The following HELQ variants were observed in gnomAD, a reference collection of about 807,000 sequenced individuals.
The protein encoded by HELQ is helicase, POLQ like.
A neutral mutation model predicts 111.6 loss-of-function variants in HELQ; 77 were observed. The observed-to-expected ratio is 0.69, with a 90% confidence interval of 0.57 to 0.83. The LOEUF (loss-of-function observed/expected upper bound fraction) is 0.83, where lower values mean the gene tolerates loss of function less well. HELQ is among the 40% of genes least tolerant of loss of function. The pLI is 0.00. For missense variants in HELQ, 1,200 were observed against 1,288.5 expected (o/e 0.93, Z 1.05); for synonymous variants, 438 against 454.7 (o/e 0.96, Z 0.47).
chr4:83,430,273 AT>A, intron 11 of HELQ, among the ~76,000 whole-genome samples: 1 of 149,208 alleles, frequency 6.7e-6, no homozygotes, highest in South Asian at 2.1e-4. Flanking sequence ...TTAAAGTATA[AT>A]AAAAAAAAAA....
At chr4:83,410,616 G>A (rs541558285) in intron 17 of HELQ, among the ~76,000 whole-genome samples, 4 of 152,160 alleles carry the variant, frequency 2.6e-5, no homozygotes, top group Admixed American at 6.5e-5. Context: ...AGTCCTGTAT[G>A]GGATTAGTGT....
At chr4:83,422,316 C>G (rs1439322706) in intron 14 of HELQ, among the ~76,000 whole-genome samples, 1 of 152,192 alleles carries the variant, frequency 6.6e-6, no homozygotes, top group Non-Finnish European at 1.5e-5. Context: ...ATTGTACCCC[C>G]TCTCCATCAC....
intron 3 of HELQ, 113 bp downstream of exon 3, chr4:83,448,669 CA>C (rs34960937): frequency 0.091 from 59,969 of 657,482 alleles, 38 homozygotes; most frequent in South Asian, 0.1. Flanking sequence ...GACTCCATCT[CA>C]AAAAAAAAAA....
chr4:83,432,308 A>G (rs1720196643), intron 9 of HELQ, 41 bp from the exon 10 acceptor site: 3 of 1,407,926 alleles, frequency 2.1e-6, no homozygotes, highest in East Asian at 5.1e-5. Context: ...AGCAAACAGC[A>G]CCAATTTAAA....
intron 1 of HELQ, 29 bp from the exon 2 acceptor site, chr4:83,453,974 C>A: frequency 1.5e-6 from 2 of 1,297,894 alleles, no homozygotes; most frequent in South Asian, 2.6e-5. Flanking sequence ...CGCTTATGGT[C>A]AATTCCAGTT....
intron 8 of HELQ, 118 bp from the exon 9 acceptor site, chr4:83,437,215 T>C (rs1720506728): frequency 1.1e-6 from 1 of 922,430 alleles, no homozygotes; most frequent in South Asian, 1.7e-5. Flanking sequence ...TTCCATTGAG[T>C]TAAGTACATT....
Position 83,453,424 on chromosome 4 carries a change from C to A in HELQ, c.819G>T (p.Met273Ile). 1 of 1,603,302 alleles carries A rather than the reference C, an allele frequency of 6.2e-7. No homozygotes were observed. The highest frequency in any genetic ancestry group is 1.1e-5 in the South Asian group (1 of 88,732). ...KSIKDHLKNA[M>I]TGNAKAQTPI... ...GTGTCTGGGCCTTCGCATTTCCAGTCATGGCATTTTTTAGATGATCTTTAA... is the reference window on the plus strand; with the variant it reads ...GTGTCTGGGCCTTCGCATTTCCAGTAATGGCATTTTTTAGATGATCTTTAA... Residue 273 changes from methionine (M) to isoleucine (I), a missense_variant, in exon 2 of 18, where the codon ATG becomes ATT. This residue lies in a region of HELQ where 610 missense variants were observed against 607.1 expected (regional missense o/e 1.00). Coordinates refer to ENST00000295488, the MANE Select transcript of HELQ (RefSeq NM_133636.5).
At chr4:83,430,194 C>A (rs1035091471) in intron 11 of HELQ, among the ~76,000 whole-genome samples, 6 of 149,828 alleles carry the variant, frequency 4.0e-5, no homozygotes, top group South Asian at 2.1e-4. Flanking sequence ...TTTCTGGGTG[C>A]AGCACACCAA....
intron 15 of HELQ, 21 bp downstream of exon 15, chr4:83,421,542 T>C (rs1578072331): frequency 1.3e-6 from 2 of 1,587,392 alleles, no homozygotes; most frequent in East Asian, 2.2e-5. Context: ...AAAGTACATA[T>C]CATATATTCA....
At chr4:83,443,789 A>C (rs1370100264) in intron 5 of HELQ, among the ~76,000 whole-genome samples, 175 bp from the exon 6 acceptor site, 1 of 152,190 alleles carries the variant, frequency 6.6e-6, no homozygotes, top group African/African-American at 2.4e-5. Flanking sequence ...TCACATCTGT[A>C]ATCTCAACAC....
At chr4:83,441,524 C>A in intron 6 of HELQ, 121 bp from the exon 7 acceptor site, 1 of 531,632 alleles carries the variant, frequency 1.9e-6, no homozygotes, top group Non-Finnish European at 3.3e-6. Flanking sequence ...TTCTAAGATA[C>A]ATAAAACATG....
At chr4:83,416,261 G>T (rs557693156) in intron 17 of HELQ, among the ~76,000 whole-genome samples, 1 of 151,486 alleles carries the variant, frequency 6.6e-6, no homozygotes, top group Middle Eastern at 3.4e-3. Context: ...TTTTTGGGGC[G>T]GGGGGACAGG....
Position 83,453,375 on chromosome 4 carries a change from G to A in HELQ, c.868C>T (p.Leu290Phe). 6.2e-7 allele frequency: 1 copy of A among 1,609,606 alleles called. No individual in the cohort carries two copies. Among genetic ancestry groups the A allele is most frequent in the East Asian group, 2.2e-5 (1 of 44,864 alleles). The change falls in exon 2 of 18, where the codon CTC becomes TTC. Residue 290 changes from leucine to phenylalanine, a missense_variant. Coordinates refer to ENST00000295488, the MANE Select transcript of HELQ (RefSeq NM_133636.5). ...QTPIFSRSKQLKDTLLSEEIN... is the reference protein window; with the variant it reads ...QTPIFSRSKQFKDTLLSEEIN... ...TCCTCAGATAGGAGAGTGTCTTTGAGCTGTTTACTTCTAGAAAATATTGGT... is the reference window on the plus strand; with the variant it reads ...TCCTCAGATAGGAGAGTGTCTTTGAACTGTTTACTTCTAGAAAATATTGGT...
rs546970063 is a variant in HELQ at position 83,453,744 on chromosome 4, C to T, written c.499G>A (p.Glu167Lys). 14 of 1,614,162 alleles carry T rather than the reference C, an allele frequency of 8.7e-6. No homozygotes were observed. In the East Asian group the frequency reaches 2.7e-4, roughly 31 times the overall value. Residue 167 changes from glutamate (E) to lysine (K), a missense_variant, in exon 2 of 18, where the codon GAA (glutamate) becomes AAA (lysine). This residue lies in a region of HELQ where 610 missense variants were observed against 607.1 expected (regional missense o/e 1.00). Coordinates refer to ENST00000295488, the MANE Select transcript of HELQ (RefSeq NM_133636.5). ...TCTGTGTGCTTATCAGTTTGTAATT[C>T]AGTAAGGTTGCCTATGGTAGTAATG... The part of the protein sequence containing the change: ...LSITTIGNLT[E>K]LQTDKHTENQ...
Position 83,455,453 on chromosome 4 carries a change from CA to C in HELQ, c.240del (p.Asp81IlefsTer40), listed in dbSNP as rs1643239766. On this transcript the variant is annotated frameshift_variant, in exon 1 of 18. Transcript: ENST00000295488. LOFTEE classifies it high-confidence loss of function. Reference sequence around the variant, plus strand: ...TGACGTAGGAGGTCCGGGTTTGTATCACCACCTCCAAGGACGAGACATTCCG... The same window carrying C: ...TGACGTAGGAGGTCCGGGTTTGTATCCCACCTCCAAGGACGAGACATTCCG... The part of the protein sequence containing the change: ...DSPECLVLGG[G>X]DTNPDLLRHM... The C allele has an allele frequency of 6.2e-7, 1 of 1,614,050 alleles. No homozygotes were observed. Among genetic ancestry groups the C allele is most frequent in the Admixed American group, 1.7e-5 (1 of 60,002 alleles).
chr4:83,427,419 A>G, intron 13 of HELQ, 144 bp downstream of exon 13: 1 of 506,198 alleles, frequency 2.0e-6, no homozygotes, highest in Non-Finnish European at 3.4e-6. Context: ...CTTTGGGAGG[A>G]CAATGTGGGA....
intron 2 of HELQ, among the ~76,000 whole-genome samples, chr4:83,450,745 T>C (rs1314413167): frequency 1.3e-5 from 2 of 151,402 alleles, no homozygotes; most frequent in African/African-American, 4.9e-5. Context: ...ACAGCAGGAC[T>C]GCTTAAGCCC....
intron 12 of HELQ, 102 bp downstream of exon 12, chr4:83,429,422 T>A: frequency 1.2e-6 from 1 of 859,952 alleles, no homozygotes; most frequent in Non-Finnish European, 1.8e-6. Flanking sequence ...GTGTTGGGAT[T>A]ACAGGCGTGA....
intron 1 of HELQ, 26 bp downstream of exon 1, chr4:83,455,371 A>C (rs770854057): frequency 6.3e-7 from 1 of 1,599,772 alleles, no homozygotes; most frequent in South Asian, 1.1e-5. Context: ...AAAAGTTTGC[A>C]GTTTCAAGTT....
Sources: gnomAD v4.1 joint callset for allele counts (sites outside exome capture counted in the v4.1 genomes callset) on GRCh38, gnomAD v4.1.1 for gene constraint, gnomAD v4.1.1 regional missense constraint, MANE v1.5 for transcripts, NCBI Gene and HGNC (gene_info 2026-07-23, HGNC 2026-07-21) for gene names.